The following CDC42BPA variants were observed in gnomAD, a reference collection of about 807,000 sequenced individuals.
CDC42BPA encodes CDC42 binding protein kinase alpha, also known as serine/threonine-protein kinase MRCK alpha.
In CDC42BPA, 80 loss-of-function variants were observed where a neutral mutation model predicts 223.5. The observed-to-expected ratio is 0.36, with a 90% CI of 0.30 to 0.43. The LOEUF is 0.43. Ranked by LOEUF, CDC42BPA falls within the 20% of genes least tolerant of loss-of-function variation. CDC42BPA has a pLI of 1.00. For missense variants in CDC42BPA, 1,743 were observed against 2,099.9 expected, an observed-to-expected ratio of 0.83 and a Z score of 3.32; for synonymous variants, 694 against 718.6, an observed-to-expected ratio of 0.97 and a Z score of 0.55.
At chr1:227,176,879 T>C (rs1385793029) in intron 5 of CDC42BPA, among the ~76,000 whole-genome samples, 1 of 152,114 alleles carries the variant, frequency 6.6e-6, no homozygotes, top group Admixed American at 6.5e-5. Context: ...TTCTAGGGTA[T>C]TATAAATCTT....
intron 5 of CDC42BPA, among the ~76,000 whole-genome samples, chr1:227,181,261 C>G (rs553052023): frequency 6.6e-6 from 1 of 152,026 alleles, no homozygotes; most frequent in Non-Finnish European, 1.5e-5. Flanking sequence ...TCAATTAACA[C>G]AGGGAAAAAA....
intron 4 of CDC42BPA, among the ~76,000 whole-genome samples, chr1:227,198,763 T>G (rs1270919904): frequency 4.6e-5 from 7 of 151,802 alleles, no homozygotes; most frequent in Non-Finnish European, 5.9e-5. Context: ...AAATGTGTTT[T>G]TTTTTTTTTG....
intron 2 of CDC42BPA, among the ~76,000 whole-genome samples, chr1:227,217,508 T>C (rs1400145783): frequency 6.6e-6 from 1 of 151,820 alleles, no homozygotes; most frequent in Non-Finnish European, 1.5e-5. Context: ...CTGACCTCTC[T>C]ACTACTTCTG....
intron 20 of CDC42BPA, among the ~76,000 whole-genome samples, chr1:227,070,072 AT>A (rs1478739552): frequency 6.6e-6 from 1 of 151,894 alleles, no homozygotes; most frequent in Non-Finnish European, 1.5e-5. Flanking sequence ...TGAAATGCTT[AT>A]TTATGTTACT....
intron 21 of CDC42BPA, among the ~76,000 whole-genome samples, chr1:227,054,237 T>C (rs1420954533): frequency 1.3e-5 from 2 of 152,196 alleles, no homozygotes; most frequent in Non-Finnish European, 2.9e-5. Context: ...ATAACGGCTT[T>C]GTATTATCTG....
intron 3 of CDC42BPA, among the ~76,000 whole-genome samples, chr1:227,203,250 TA>T (rs1161136674): frequency 6.6e-6 from 1 of 152,198 alleles, no homozygotes; most frequent in African/African-American, 2.4e-5. Context: ...AAGCACAGGC[TA>T]CGTTTTTGCT....
chr1:227,045,827 G>T (rs1393349509), intron 23 of CDC42BPA, among the ~76,000 whole-genome samples: 1 of 151,860 alleles, frequency 6.6e-6, no homozygotes, highest in African/African-American at 2.4e-5. Flanking sequence ...TTTTCTTTGA[G>T]ACAGGGTCTC....
At chr1:227,112,227 G>A (rs565517244) in intron 14 of CDC42BPA, 85 bp downstream of exon 14, 12 of 657,546 alleles carry the variant, frequency 1.8e-5, no homozygotes, top group South Asian at 9.6e-5. Flanking sequence ...ACTGCACACC[G>A]AATACAGTAT....
At chr1:227,295,473 A>AT (rs202140955) in intron 1 of CDC42BPA, among the ~76,000 whole-genome samples, 3 of 150,952 alleles carry the variant, frequency 2.0e-5, no homozygotes, top group African/African-American at 4.9e-5. Context: ...ATTAAAAAAA[A>AT]TTTAAATTAA....
chr1:227,124,948 T>A (rs1369540295), intron 11 of CDC42BPA, among the ~76,000 whole-genome samples: 25 of 152,076 alleles, frequency 1.6e-4, no homozygotes. Flanking sequence ...GACTCCGAAA[T>A]GTGAAGAAAA....
At chr1:227,063,841 T>G (rs1676437389) in intron 21 of CDC42BPA, among the ~76,000 whole-genome samples, 1 of 152,190 alleles carries the variant, frequency 6.6e-6, no homozygotes, top group Non-Finnish European at 1.5e-5. Context: ...CTCAGATTTC[T>G]GTAAAAGCCT....
chr1:227,249,463 A>G (rs556774018), intron 2 of CDC42BPA, among the ~76,000 whole-genome samples: 1 of 152,352 alleles, frequency 6.6e-6, no homozygotes, highest in South Asian at 2.1e-4. Flanking sequence ...AAAGGAAACA[A>G]TCAACCCACA....
At chr1:227,049,045 C>A (rs1046432821) in intron 22 of CDC42BPA, among the ~76,000 whole-genome samples, 1 of 151,778 alleles carries the variant, frequency 6.6e-6, no homozygotes, top group Non-Finnish European at 1.5e-5. Context: ...GAGTTTAGCT[C>A]TAATTTAGAT....
intron 2 of CDC42BPA, among the ~76,000 whole-genome samples, chr1:227,218,750 T>C (rs913519134): frequency 6.6e-6 from 1 of 152,228 alleles, no homozygotes; most frequent in Non-Finnish European, 1.5e-5. Context: ...TGGTGATCAT[T>C]ACAAAATGTA....
chr1:227,207,206 G>A (rs1435427658), intron 3 of CDC42BPA, among the ~76,000 whole-genome samples: 32 of 149,998 alleles, frequency 2.1e-4, no homozygotes, highest in Non-Finnish European at 4.6e-4. Context: ...CCTTGCGATA[G>A]TTTGCTGAGA....
At chr1:227,279,199 T>C (rs538866212) in intron 1 of CDC42BPA, among the ~76,000 whole-genome samples, 3 of 152,290 alleles carry the variant, frequency 2.0e-5, no homozygotes, top group Admixed American at 1.3e-4. Context: ...GAAACCTGTG[T>C]TCTCCTAACT....
At position 226,994,568 on chromosome 1, in the gene CDC42BPA, T is replaced by C. The variant is rs912296714; in HGVS notation, c.5134-169A>G. On this transcript the variant is annotated intron_variant, in intron 36 of 36. Coordinates refer to ENST00000366766, the MANE Select transcript of CDC42BPA (RefSeq NM_001394014.1). The surrounding 1 kb of genome is among the most constrained non-coding windows in gnomAD (Gnocchi z 4.0). ...TGAGCTGAGGAAGAGGCACGGAACA[T>C]ACAAGCTCCGTCCTTTCTGTAGGCC... 3.9e-5 allele frequency among the ~76,000 whole-genome samples: 6 copies of C among 152,160 alleles called. No homozygotes were observed. The highest frequency in any genetic ancestry group is 1.2e-4 in the African/African-American group (5 of 41,430).
chr1:227,000,981 T>TA (rs1306783654), intron 35 of CDC42BPA, among the ~76,000 whole-genome samples: 3 of 151,992 alleles, frequency 2.0e-5, no homozygotes, highest in African/African-American at 4.8e-5. Flanking sequence ...GGATGAGCAA[T>TA]ATCCAACCTC....
At chr1:227,074,043 A>T in intron 18 of CDC42BPA, 31 bp from the exon 19 acceptor site, 5 of 1,597,198 alleles carry the variant, frequency 3.1e-6, no homozygotes, top group Non-Finnish European at 4.3e-6. Context: ...TTTTAGTTCC[A>T]TCCTATTTTT....
Sources: gnomAD v4.1 joint callset for allele counts (sites outside exome capture counted in the v4.1 genomes callset) on GRCh38, gnomAD v4.1.1 for gene constraint, Gnocchi (gnomAD v3.1) non-coding constraint, MANE v1.5 for transcripts, NCBI Gene and HGNC (gene_info 2026-07-23, HGNC 2026-07-21) for gene names.